FOCAD: variants seen among roughly 807,000 people sequenced by gnomAD.
FOCAD encodes focadhesin, also known as KIAA1797.
In FOCAD, 198 loss-of-function variants were observed where a neutral mutation model predicts 225.6. The observed-to-expected ratio is 0.88, with a 90% CI of 0.78 to 0.99. The LOEUF (loss-of-function observed/expected upper bound fraction) is 0.99, where lower values mean the gene tolerates loss of function less well. FOCAD is among the 50% of genes least tolerant of loss of function. FOCAD has a pLI of 0.00. For missense variants in FOCAD, 2,713 were observed against 2,123.6 expected (o/e 1.28, Z -5.46); for synonymous variants, 897 against 755.0 (o/e 1.19, Z -3.08).
chr9:20,679,040 T>G (rs1282176993), intron 2 of FOCAD, among the ~76,000 whole-genome samples: 1 of 151,890 alleles, frequency 6.6e-6, no homozygotes, highest in Non-Finnish European at 1.5e-5. Flanking sequence ...TGCCAAGATC[T>G]TGCAGCAGCC....
chr9:20,763,237 A>T (rs1223500176), intron 6 of FOCAD, among the ~76,000 whole-genome samples: 3 of 152,204 alleles, frequency 2.0e-5, no homozygotes, highest in Non-Finnish European at 4.4e-5. Flanking sequence ...ATGTACAGTT[A>T]TTGGTGATAA....
intron 4 of FOCAD, among the ~76,000 whole-genome samples, chr9:20,731,409 T>C (rs1387693999): frequency 6.6e-6 from 1 of 152,200 alleles, no homozygotes; most frequent in Non-Finnish European, 1.5e-5. Flanking sequence ...AAAGGCCTTT[T>C]AGAAACACAA....
intron 4 of FOCAD, among the ~76,000 whole-genome samples, chr9:20,725,708 T>G (rs1186433820): frequency 6.6e-6 from 1 of 152,202 alleles, no homozygotes; most frequent in South Asian, 2.1e-4. Flanking sequence ...AAACAGTGGC[T>G]TAGAGCGGGT....
intron 2 of FOCAD, among the ~76,000 whole-genome samples, chr9:20,716,898 A>G (rs1563908705): frequency 3.3e-5 from 5 of 152,188 alleles, no homozygotes. Context: ...GAAGCACTGT[A>G]TATCATAGAC....
chr9:20,668,018 A>G (rs1402532085), intron 2 of FOCAD, among the ~76,000 whole-genome samples: 1 of 152,250 alleles, frequency 6.6e-6, no homozygotes, highest in Admixed American at 6.5e-5. Flanking sequence ...TTGCTGAAAG[A>G]AGATCTATTA....
chr9:20,926,055 C>G (rs1432327928), intron 25 of FOCAD, among the ~76,000 whole-genome samples: 1 of 152,184 alleles, frequency 6.6e-6, no homozygotes, highest in East Asian at 1.9e-4. Flanking sequence ...TTTGCAGCAT[C>G]TATCCTCTTC....
intron 35 of FOCAD, among the ~76,000 whole-genome samples, chr9:20,954,119 G>C (rs965178391): frequency 1.3e-5 from 2 of 152,086 alleles, no homozygotes; most frequent in African/African-American, 4.8e-5. Context: ...TCCTGAATTA[G>C]CATGATTTAC....
At chr9:20,668,692 A>G (rs557587538) in intron 2 of FOCAD, among the ~76,000 whole-genome samples, 2 of 152,360 alleles carry the variant, frequency 1.3e-5, no homozygotes, top group South Asian at 2.1e-4. Flanking sequence ...TGAGGAGGTC[A>G]CCTTCCACAT....
intron 5 of FOCAD, among the ~76,000 whole-genome samples, chr9:20,747,943 A>C (rs900844914): frequency 6.6e-6 from 1 of 151,494 alleles, no homozygotes; most frequent in Non-Finnish European, 1.5e-5. Flanking sequence ...CATACATTTC[A>C]TTATTACATT....
chr9:20,860,669 C>T (rs1259067068), intron 15 of FOCAD, among the ~76,000 whole-genome samples: 1 of 152,078 alleles, frequency 6.6e-6, no homozygotes, highest in Non-Finnish European at 1.5e-5. Flanking sequence ...TGCCTCCACG[C>T]CTGGCTAATT....
At chr9:20,858,847 T>A (rs550500442) in intron 15 of FOCAD, among the ~76,000 whole-genome samples, 52 of 138,578 alleles carry the variant, frequency 3.8e-4, no homozygotes, top group African/African-American at 1.3e-3. Context: ...CATTGACTGG[T>A]CTTTCAGGAG....
intron 9 of FOCAD, among the ~76,000 whole-genome samples, chr9:20,780,174 C>A (rs1819226679): frequency 6.6e-6 from 1 of 152,178 alleles, no homozygotes; most frequent in African/African-American, 2.4e-5. Flanking sequence ...CTATCATCTG[C>A]CCAAAATTTC....
intron 6 of FOCAD, among the ~76,000 whole-genome samples, chr9:20,758,428 AT>A (rs1173559104): frequency 2.0e-5 from 3 of 151,884 alleles, no homozygotes; most frequent in Non-Finnish European, 4.4e-5. Context: ...GGTAGGTTAC[AT>A]ATGTATACAT....
chr9:20,923,599 T>C, intron 24 of FOCAD, 61 bp from the exon 25 acceptor site: 9 of 1,305,148 alleles, frequency 6.9e-6, no homozygotes, highest in Non-Finnish European at 9.9e-6. Context: ...CTATATTAGC[T>C]CTTTCTCTTC....
chr9:20,854,591 A>G (rs1449370417), intron 15 of FOCAD, among the ~76,000 whole-genome samples: 1 of 151,804 alleles, frequency 6.6e-6, no homozygotes, highest in East Asian at 1.9e-4. Flanking sequence ...TAGTGTTGGT[A>G]AGATTCTTGT....
intron 2 of FOCAD, among the ~76,000 whole-genome samples, chr9:20,672,725 A>G (rs549007356): frequency 1.3e-5 from 2 of 152,370 alleles, no homozygotes; most frequent in African/African-American, 4.8e-5. Context: ...TGTTAGGATT[A>G]CAGGCGTGAG....
intron 1 of FOCAD, among the ~76,000 whole-genome samples, chr9:20,711,873 C>T (rs1824878096): frequency 6.6e-6 from 1 of 152,078 alleles, no homozygotes. Context: ...GGAGTGCCTC[C>T]AGGAGGGAAG....
chr9:20,665,315 T>G (rs1241553886), intron 2 of FOCAD, among the ~76,000 whole-genome samples: 1 of 152,172 alleles, frequency 6.6e-6, no homozygotes, highest in Non-Finnish European at 1.5e-5. Flanking sequence ...CAAAGCCTTT[T>G]CTGGGAGGCA....
chr9:20,850,528 G>C (rs1225023618), intron 15 of FOCAD, among the ~76,000 whole-genome samples: 1 of 151,636 alleles, frequency 6.6e-6, no homozygotes, highest in African/African-American at 2.4e-5. Context: ...TAAAATGGAA[G>C]TATTTACCAT....
Sources: allele counts gnomAD v4.1 joint callset (sites outside exome capture counted in the v4.1 genomes callset), GRCh38; gene constraint gnomAD v4.1.1; transcripts MANE v1.5; gene names NCBI Gene and HGNC (gene_info 2026-07-23, HGNC 2026-07-21).